MGAT5: variants seen among roughly 807,000 people sequenced by gnomAD.
The protein encoded by MGAT5 is alpha-1,6-mannosylglycoprotein 6-beta-N-acetylglucosaminyltransferase.
Under a neutral mutation model 94.3 loss-of-function variants are expected in MGAT5, and 30 were observed. That is an observed-to-expected ratio of 0.32 (90% confidence interval 0.24 to 0.43). The LOEUF is 0.43. Among genes scored for constraint, MGAT5 ranks in the 20% least tolerant of loss-of-function variants. The pLI is 1.00. For missense variants in MGAT5, 691 were observed against 905.5 expected, an observed-to-expected ratio of 0.76 and a Z score of 3.04; for synonymous variants, 310 against 322.9, an observed-to-expected ratio of 0.96 and a Z score of 0.43.
intron 13 of MGAT5, among the ~76,000 whole-genome samples, chr2:134,427,703 C>T (rs1684666680): frequency 6.6e-6 from 1 of 152,210 alleles, no homozygotes; most frequent in South Asian, 2.1e-4. Context: ...ACTCAGCCTG[C>T]CTTAAAAGCC....
chr2:134,162,812 G>A (rs958343725), intron 1 of MGAT5, among the ~76,000 whole-genome samples: 1 of 152,192 alleles, frequency 6.6e-6, no homozygotes, highest in Non-Finnish European at 1.5e-5. Context: ...ATGACCATGT[G>A]GGGTAGGTGC....
At chr2:134,214,388 C>T (rs1680355622) in intron 1 of MGAT5, among the ~76,000 whole-genome samples, 2 of 152,144 alleles carry the variant, frequency 1.3e-5, no homozygotes, top group Non-Finnish European at 2.9e-5. Flanking sequence ...TTTTGGCTTC[C>T]CTCGACCACA....
Position 134,403,564 on chromosome 2 carries a change from A to G in MGAT5, c.1530+427A>G, listed in dbSNP as rs1273744417. 2.6e-5 allele frequency among the ~76,000 whole-genome samples: 4 copies of G among 152,218 alleles called. No individual in the cohort carries two copies. In the East Asian group the frequency reaches 7.7e-4, roughly 29 times the overall value. On this transcript the variant is annotated intron_variant, in intron 11 of 15. Transcript: ENST00000281923. ...TTTTCCTCATACCTCCTTGTTCACC[A>G]AGTACGCATTGGACAGTGAAGAAGT...
chr2:134,168,082 A>C (rs1371959323), intron 1 of MGAT5, among the ~76,000 whole-genome samples: 2 of 152,200 alleles, frequency 1.3e-5, no homozygotes, highest in Admixed American at 6.5e-5. Context: ...TGGTTCTAGA[A>C]CTGCCTGTTT....
intron 1 of MGAT5, among the ~76,000 whole-genome samples, chr2:134,229,464 A>G (rs1681238542): frequency 6.6e-6 from 1 of 152,234 alleles, no homozygotes; most frequent in African/African-American, 2.4e-5. Context: ...TGTATTAATT[A>G]ATCAGCTAAA....
At chr2:134,310,137 C>T (rs1010736521) in intron 2 of MGAT5, among the ~76,000 whole-genome samples, 1 of 152,164 alleles carries the variant, frequency 6.6e-6, no homozygotes. Context: ...AGTACTGTAG[C>T]TTCTGGTTTT....
chr2:134,410,401 T>C (rs1683579541), intron 11 of MGAT5, among the ~76,000 whole-genome samples: 1 of 152,218 alleles, frequency 6.6e-6, no homozygotes, highest in African/African-American at 2.4e-5. Flanking sequence ...TTTTGGTGTT[T>C]CCAAGTAATG....
intron 10 of MGAT5, among the ~76,000 whole-genome samples, chr2:134,369,978 G>GGCTTTTT (rs2106150723): frequency 6.6e-6 from 1 of 152,246 alleles, no homozygotes; most frequent in African/African-American, 2.4e-5. Context: ...TTTGGCTTTT[G>GGCTTTTT]GCTTTCCAGT....
At chr2:134,175,668 A>G (rs987268947) in intron 1 of MGAT5, among the ~76,000 whole-genome samples, 3 of 152,182 alleles carry the variant, frequency 2.0e-5, no homozygotes, top group East Asian at 3.9e-4. Flanking sequence ...GGCGGAGCTG[A>G]TGCTGTCTCC....
intron 1 of MGAT5, among the ~76,000 whole-genome samples, chr2:134,196,743 T>A (rs1034197763): frequency 4.5e-4 from 68 of 152,204 alleles, no homozygotes; most frequent in Admixed American, 7.8e-4. Flanking sequence ...TCTTAAAAAA[T>A]GGAATTTTTT....
chr2:134,414,037 C>G (rs1683820256), intron 12 of MGAT5, among the ~76,000 whole-genome samples: 1 of 152,064 alleles, frequency 6.6e-6, no homozygotes, highest in African/African-American at 2.4e-5. Context: ...CCCTTCCTGT[C>G]ATTGGTGAAA....
chr2:134,350,762 T>C (rs1156233648), intron 9 of MGAT5, among the ~76,000 whole-genome samples: 9 of 152,206 alleles, frequency 5.9e-5, no homozygotes, highest in Non-Finnish European at 1.5e-5. Context: ...TCCTTAGTAA[T>C]GAGATGAAGT....
At chr2:134,448,485 G>A (rs1406752392) in intron 15 of MGAT5, among the ~76,000 whole-genome samples, 164 bp from the exon 16 acceptor site, 3 of 152,170 alleles carry the variant, frequency 2.0e-5, no homozygotes, top group African/African-American at 7.2e-5. Context: ...ATGCCTAGAG[G>A]TGGAGGATTG....
chr2:134,453,898 T>TATC lies in MGAT5; in HGVS notation c.*5052_*5054dup, dbSNP rs1348032898. ...TCCCTGATGGATTCAAAGTTTTATCTATCTCCTTATCTCCTGCCCTGTCTT... is the reference window on the plus strand; with the variant it reads ...TCCCTGATGGATTCAAAGTTTTATCTATCATCTCCTTATCTCCTGCCCTGTCTT... On this transcript the variant is annotated 3_prime_UTR_variant, in exon 16 of 16. Transcript: ENST00000281923. The TATC allele has an allele frequency of 2.6e-5, 4 of 152,356 alleles. No homozygotes were observed. The highest frequency in any genetic ancestry group is 2.1e-4 in the South Asian group (1 of 4,824). The allele number at this position is 152,356 out of a possible 1,614,324, so 9.4% of individuals were successfully genotyped here. A position where few individuals can be genotyped will look rare whatever the true frequency, so the allele number is the denominator to read the frequency against.
At chr2:134,224,236 C>T (rs1277350601) in intron 1 of MGAT5, among the ~76,000 whole-genome samples, 6 of 152,218 alleles carry the variant, frequency 3.9e-5, no homozygotes, top group East Asian at 1.9e-4. Context: ...TATTAGCAGG[C>T]GTTTCATGAT....
intron 14 of MGAT5, among the ~76,000 whole-genome samples, chr2:134,440,199 A>T (rs1447928689): frequency 1.3e-5 from 2 of 152,190 alleles, no homozygotes; most frequent in African/African-American, 4.8e-5. Context: ...CATTCTTGGT[A>T]GGGGGTGCCA....
At chr2:134,351,740 AAAG>A (rs1240236122) in intron 9 of MGAT5, among the ~76,000 whole-genome samples, 2 of 152,214 alleles carry the variant, frequency 1.3e-5, no homozygotes, top group Admixed American at 6.5e-5. Flanking sequence ...TATTTTAAAA[AAAG>A]AAGAACCTGT....
At chr2:134,176,250 G>C (rs1396889914) in intron 1 of MGAT5, among the ~76,000 whole-genome samples, 2 of 152,034 alleles carry the variant, frequency 1.3e-5, no homozygotes, top group Non-Finnish European at 2.9e-5. Flanking sequence ...GAAGAGTTTT[G>C]GGACTCTGGG....
intron 4 of MGAT5, among the ~76,000 whole-genome samples, chr2:134,329,328 T>C (rs1302834941): frequency 6.6e-6 from 1 of 152,114 alleles, no homozygotes; most frequent in Non-Finnish European, 1.5e-5. Context: ...TTTGAGTATG[T>C]GTAGAATGTG....
Sources: gnomAD v4.1 joint callset for allele counts (sites outside exome capture counted in the v4.1 genomes callset) on GRCh38, gnomAD v4.1.1 for gene constraint, MANE v1.5 for transcripts, NCBI Gene and HGNC (gene_info 2026-07-23, HGNC 2026-07-21) for gene names.